The following CCDC134 variants were observed in gnomAD, a reference collection of about 807,000 sequenced individuals.
CCDC134 encodes coiled-coil domain containing 134.
A neutral mutation model predicts 25.6 loss-of-function variants in CCDC134; 27 were observed. That is an observed-to-expected ratio of 1.05 (90% confidence interval 0.78 to 1.45). The LOEUF (loss-of-function observed/expected upper bound fraction) is 1.45. Ranked by LOEUF, CCDC134 falls within the 40% of genes most tolerant of loss-of-function variation. The probability of loss-of-function intolerance (pLI) is 0.00; values close to 1 mark genes in which losing one functional copy is unlikely to be tolerated. For missense variants in CCDC134, 261 were observed against 286.7 expected (o/e 0.91, Z 0.65); for synonymous variants, 110 against 115.0 (o/e 0.96, Z 0.28).
intron 6 of CCDC134, among the ~76,000 whole-genome samples, chr22:41,814,605 G>A (rs943733292): frequency 6.6e-6 from 1 of 151,936 alleles, no homozygotes; most frequent in Non-Finnish European, 1.5e-5. Flanking sequence ...ATAGATGGAG[G>A]AAGGGATTGG....
chr22:41,808,286 G>A (rs991537823), intron 1 of CCDC134, among the ~76,000 whole-genome samples: 1 of 152,064 alleles, frequency 6.6e-6, no homozygotes, highest in African/African-American at 2.4e-5. Context: ...CCCCGAGACT[G>A]CCCTGCCTTC....
At chr22:41,811,121 T>C (rs2076593931) in intron 4 of CCDC134, among the ~76,000 whole-genome samples, 1 of 152,130 alleles carries the variant, frequency 6.6e-6, no homozygotes. Flanking sequence ...GCCTGGGCCC[T>C]TTCTGACAGG....
intron 1 of CCDC134, among the ~76,000 whole-genome samples, chr22:41,801,941 T>C (rs2076545568): frequency 6.6e-6 from 1 of 152,184 alleles, no homozygotes; most frequent in African/African-American, 2.4e-5. Context: ...TATTTTGAGA[T>C]AGTTATCCTT....
chr22:41,812,227 C>G (rs2076599720), intron 4 of CCDC134, among the ~76,000 whole-genome samples: 1 of 152,032 alleles, frequency 6.6e-6, no homozygotes. Context: ...TGAGACCAGC[C>G]TGGCCAAACA....
Position 41,808,899 on chromosome 22 carries a change from T to C in CCDC134, c.9T>C (p.Leu3=). 5 of 1,613,968 alleles carry C rather than the reference T, an allele frequency of 3.1e-6. No individual in the cohort carries two copies. Among genetic ancestry groups the C allele is most frequent in the Non-Finnish European group, 4.2e-6 (5 of 1,179,964 alleles). The change falls in exon 2 of 7, where the codon CTT becomes CTC. Residue 3 remains leucine (L), a synonymous_variant. Coordinates refer to ENST00000255784, the MANE Select transcript of CCDC134 (RefSeq NM_024821.5). ...GCTCAAGAGGTTTGGATATGGACCT[T>C]CTTCAATTCCTGGCCTTCCTCTTTG... MD[L]LQFLAFLFVL...
chr22:41,819,420 T>C (rs745729371), intron 6 of CCDC134, among the ~76,000 whole-genome samples: 1 of 152,218 alleles, frequency 6.6e-6, no homozygotes, highest in Non-Finnish European at 1.5e-5. Flanking sequence ...AGTTATTTGC[T>C]GGGTGGACCA....
At chr22:41,807,288 G>C (rs930494630) in intron 1 of CCDC134, among the ~76,000 whole-genome samples, 1 of 152,196 alleles carries the variant, frequency 6.6e-6, no homozygotes, top group Non-Finnish European at 1.5e-5. Flanking sequence ...TAGTAGCCGG[G>C]TGCAGTGACT....
chr22:41,806,306 C>T (rs2148305019), intron 1 of CCDC134, among the ~76,000 whole-genome samples: 2 of 150,744 alleles, frequency 1.3e-5, no homozygotes, highest in Admixed American at 1.3e-4. Context: ...GCAACCTCTG[C>T]CTCCTGGGTA....
At chr22:41,815,379 G>A (rs1326066044) in intron 6 of CCDC134, among the ~76,000 whole-genome samples, 2 of 151,572 alleles carry the variant, frequency 1.3e-5, no homozygotes, top group Non-Finnish European at 2.9e-5. Flanking sequence ...CTAATTTTTT[G>A]TATTTTTAGT....
At chr22:41,809,095 A>G (rs1035983697) in intron 2 of CCDC134, 102 bp downstream of exon 2, 1 of 953,056 alleles carries the variant, frequency 1.0e-6, no homozygotes, top group Non-Finnish European at 1.6e-6. Context: ...GCTGGCGGGA[A>G]CAGGGAGAAA....
intron 4 of CCDC134, 27 bp from the exon 5 acceptor site, chr22:41,813,237 G>A (rs1186077705): frequency 1.2e-6 from 2 of 1,612,564 alleles, no homozygotes; most frequent in African/African-American, 2.7e-5. Flanking sequence ...CATCTGCCCT[G>A]GCCACTCATC....
chr22:41,810,104 A>G lies in CCDC134; in HGVS notation c.226-103A>G. ...CGGGTTGGTGTTCAGGGACAGGGGA[A>G]CTGCGCACACGTAAGACTTGAAGTG... On this transcript the variant is annotated intron_variant, in intron 3 of 6. Coordinates refer to ENST00000255784, the MANE Select transcript of CCDC134 (RefSeq NM_024821.5). The G allele has an allele frequency of 2.5e-6, 4 of 1,591,362 alleles. 1 individual carries two copies. The South Asian group carries it at 3.3e-5, about 13-fold the overall frequency.
At chr22:41,805,891 GAC>G (rs1305752918) in intron 1 of CCDC134, among the ~76,000 whole-genome samples, 1 of 152,090 alleles carries the variant, frequency 6.6e-6, no homozygotes, top group Non-Finnish European at 1.5e-5. Flanking sequence ...GAGCCTGGAT[GAC>G]AGAGTGAGAC....
rs1289538596 is a variant in CCDC134, at chr22:41,801,238, G to C, written c.-17+472G>C. Among the ~76,000 whole-genome samples, 3 of 152,154 alleles carry C rather than the reference G, an allele frequency of 2.0e-5. No homozygotes were observed. In the East Asian group the frequency reaches 5.8e-4, roughly 29 times the overall value. On this transcript the variant is annotated intron_variant, in intron 1 of 6. Coordinates refer to ENST00000255784, the MANE Select transcript of CCDC134 (RefSeq NM_024821.5). ...TGGTTCCCTTGAGTTTGGAGCAGGA[G>C]GTGGAATGTGGAGGGTCCTGGGTGA... is the stretch of plus-strand genomic sequence containing the variant.
rs553544089 is a variant in CCDC134 at position 41,825,850 on chromosome 22, G to A, written c.*27G>A. ...CCTGGAGCAGCTCAGGGCTCAGGGG[G>A]CCACAAGGAGGCAGGTCGGGAGGAA... On this transcript the variant is annotated 3_prime_UTR_variant, in exon 7 of 7. Coordinates refer to ENST00000255784, the MANE Select transcript of CCDC134 (RefSeq NM_024821.5). This position sits in a 1 kb window ranked among gnomAD's most constrained non-coding sequence, Gnocchi z 4.4. 3.9e-5 allele frequency: 63 copies of A among 1,611,554 alleles called. 1 individual carries two copies. Among genetic ancestry groups the A allele is most frequent in the Non-Finnish European group, 5.1e-5 (60 of 1,178,386 alleles).
chr22:41,809,164 C>T (rs976770181), intron 2 of CCDC134, among the ~76,000 whole-genome samples, 171 bp downstream of exon 2: 1 of 152,152 alleles, frequency 6.6e-6, no homozygotes, highest in Non-Finnish European at 1.5e-5. Flanking sequence ...CTTCAGCTTC[C>T]GCGTATGGTA....
At chr22:41,816,591 A>G (rs1215625339) in intron 6 of CCDC134, among the ~76,000 whole-genome samples, 1 of 152,236 alleles carries the variant, frequency 6.6e-6, no homozygotes, top group African/African-American at 2.4e-5. Flanking sequence ...GATAAAGAGA[A>G]CATTAATTGT....
intron 1 of CCDC134, among the ~76,000 whole-genome samples, chr22:41,804,878 T>A (rs1204733595): frequency 6.6e-6 from 1 of 152,204 alleles, no homozygotes; most frequent in Non-Finnish European, 1.5e-5. Context: ...GAGACCAGCC[T>A]GGCCAACATG....
In CCDC134 at chr22:41,813,445, G is replaced by C. The variant is rs749537268; in HGVS notation, c.492G>C (p.Leu164=). The C allele has an allele frequency of 1.2e-5, 19 of 1,614,086 alleles. No homozygotes were observed. In the East Asian group the frequency reaches 3.3e-4, roughly 28 times the overall value. ...NQGPHSPILS[L]MAQELGISEK... ...GGCCCCACTCGCCCATCCTCAGCCTGGTAAGGACTGGGGTGGAGGTGGCCC... is the reference window on the plus strand; with the variant it reads ...GGCCCCACTCGCCCATCCTCAGCCTCGTAAGGACTGGGGTGGAGGTGGCCC... Residue 164 remains leucine, a splice_region_variant and synonymous_variant, in exon 5 of 7, where the codon CTG becomes CTC. Coordinates refer to ENST00000255784, the MANE Select transcript of CCDC134 (RefSeq NM_024821.5).
Sources: gnomAD v4.1 joint callset for allele counts (sites outside exome capture counted in the v4.1 genomes callset) on GRCh38, gnomAD v4.1.1 for gene constraint, Gnocchi (gnomAD v3.1) non-coding constraint, MANE v1.5 for transcripts, NCBI Gene and HGNC (gene_info 2026-07-23, HGNC 2026-07-21) for gene names.